KIAA2012: variants seen among roughly 807,000 people sequenced by gnomAD.
KIAA2012 encodes KIAA2012.
KIAA2012 carries 125 observed loss-of-function variants against 150.6 expected under a neutral mutation model. The ratio of observed to expected loss-of-function variants is 0.83; its 90% CI spans 0.72 to 0.96. The LOEUF is 0.96. KIAA2012 is among the 40% of genes least tolerant of loss of function. KIAA2012 has a pLI of 0.00. For synonymous variants in KIAA2012, 462 were observed against 504.7 expected (o/e 0.92, Z 1.13); for missense variants, 1,219 against 1,354.9 (o/e 0.90, Z 1.57).
intron 2 of KIAA2012, among the ~76,000 whole-genome samples, chr2:202,076,690 A>G (rs993519465): frequency 6.6e-6 from 1 of 152,184 alleles, no homozygotes; most frequent in African/African-American, 2.4e-5. Context: ...GAGAGCTACT[A>G]AATGACAAGG....
intron 6 of KIAA2012, 53 bp downstream of exon 6, chr2:202,099,849 G>A: frequency 6.9e-7 from 1 of 1,439,222 alleles, no homozygotes; most frequent in Non-Finnish European, 9.3e-7. Flanking sequence ...GTCATGCAGA[G>A]TTCATTTAAG....
chr2:202,133,124 A>ATT (rs1469569064), intron 12 of KIAA2012, among the ~76,000 whole-genome samples: 2 of 71,940 alleles, frequency 2.8e-5, no homozygotes, highest in Non-Finnish European at 5.9e-5. Context: ...ATATATATAT[A>ATT]TATATATTTT....
At chr2:202,089,745 G>A (rs1270042951) in intron 2 of KIAA2012, among the ~76,000 whole-genome samples, 1 of 152,208 alleles carries the variant, frequency 6.6e-6, no homozygotes, top group East Asian at 1.9e-4. Flanking sequence ...TTAGAAATCA[G>A]AATAGCAATT....
intron 20 of KIAA2012, 87 bp downstream of exon 20, chr2:202,193,590 G>T (rs1692359063): frequency 7.5e-6 from 10 of 1,340,310 alleles, no homozygotes; most frequent in Admixed American, 2.4e-5. Context: ...GGCAATGTTT[G>T]GTTCTGAGGC....
intron 11 of KIAA2012, 104 bp downstream of exon 11, chr2:202,113,550 C>A: frequency 2.8e-6 from 2 of 723,326 alleles, no homozygotes; most frequent in Non-Finnish European, 4.5e-6. Context: ...TCATTAAAAA[C>A]AGACGCAAGT....
At chr2:202,189,323 G>A (rs984715658) in intron 18 of KIAA2012, among the ~76,000 whole-genome samples, 7 of 148,986 alleles carry the variant, frequency 4.7e-5, no homozygotes, top group Non-Finnish European at 7.4e-5. Context: ...ATGGAGTCTC[G>A]CTCTGTCACC....
In KIAA2012 at chr2:202,093,108, C is replaced by T. The variant is rs762648095; in HGVS notation, c.608C>T (p.Ser203Leu). ...PKKLRPQQDL[S>L]GVPPKYHLLP... ...AAGCTCAGGCCACAACAAGATCTTT[C>T]AGGTGTACCCCCAAAATACCATCTC... Residue 203 changes from serine (S) to leucine (L), a missense_variant, in exon 4 of 24, where the codon TCA (serine) becomes TTA (leucine). Physicochemically the swap from Ser to Leu is moderately radical, Grantham distance 145 (BLOSUM62 -2). Transcript: ENST00000498697. The T allele has an allele frequency of 5.2e-6, 8 of 1,550,870 alleles. 1 individual carries two copies. The Middle Eastern group carries it at 8.3e-4, about 161-fold the overall frequency.
chr2:202,147,997 T>C (rs1376789300), intron 13 of KIAA2012, among the ~76,000 whole-genome samples: 3 of 152,228 alleles, frequency 2.0e-5, no homozygotes, highest in Non-Finnish European at 4.4e-5. Context: ...CTGTTTTGGC[T>C]TGAAATTTTT....
chr2:202,129,134 A>T lies in KIAA2012; in HGVS notation c.1831+3852A>T, dbSNP rs190706781. ...CATCTCAAAAAAATAAATAAATAAA[A>T]AAATAAAATACCTGATACCCCCTGG... On this transcript the variant is annotated intron_variant, in intron 12 of 23. Transcript: ENST00000498697. Among the ~76,000 whole-genome samples the T allele has an allele frequency of 4.1e-3, 626 of 152,258 alleles. 4 individuals carry two copies. The highest frequency in any genetic ancestry group is 6.5e-3 in the Admixed American group (100 of 15,286).
At chr2:202,184,615 A>G (rs1001532049) in intron 15 of KIAA2012, 138 bp from the exon 16 acceptor site, 1 of 487,672 alleles carries the variant, frequency 2.1e-6, no homozygotes, top group Non-Finnish European at 3.6e-6. Flanking sequence ...GTATTTGCTA[A>G]TTTTCTGGGT....
In KIAA2012 at chr2:202,196,718, TCA is replaced by T. The variant is rs1352502866; in HGVS notation, c.3188-79_3188-78del. Reference sequence around the variant, plus strand: ...ATTTCTCACGGGGAGTCCTTCAGAATCACAGATTTGAGAGTTGGATCCGAAAA... The same window carrying T: ...ATTTCTCACGGGGAGTCCTTCAGAATCAGATTTGAGAGTTGGATCCGAAAA... On this transcript the variant is annotated intron_variant, in intron 21 of 23. Coordinates refer to ENST00000498697, the MANE Select transcript of KIAA2012 (RefSeq NM_001277372.4). 1.1e-5 allele frequency: 17 copies of T among 1,487,032 alleles called. No homozygotes were observed. In the East Asian group the frequency reaches 4.0e-4, roughly 35 times the overall value. The allele number at this position is 1,487,032 out of a possible 1,614,324, so 92.1% of individuals were successfully genotyped here. A position where few individuals can be genotyped will look rare whatever the true frequency, so the allele number is the denominator to read the frequency against.
intron 14 of KIAA2012, among the ~76,000 whole-genome samples, chr2:202,158,618 T>TC (rs1341296304): frequency 2.0e-5 from 3 of 152,144 alleles, no homozygotes; most frequent in African/African-American, 7.2e-5. Flanking sequence ...TGCCTCAGTC[T>TC]CCCAAAGTGC....
chr2:202,167,608 A>T (rs953581108), intron 15 of KIAA2012, among the ~76,000 whole-genome samples: 6 of 152,046 alleles, frequency 3.9e-5, no homozygotes, highest in Non-Finnish European at 8.8e-5. Context: ...ATCACTTCAG[A>T]CCAGAAGTTG....
At chr2:202,082,577 C>T (rs1166806767) in intron 2 of KIAA2012, among the ~76,000 whole-genome samples, 2 of 144,510 alleles carry the variant, frequency 1.4e-5, no homozygotes, top group African/African-American at 5.2e-5. Flanking sequence ...GCGTGGGTGA[C>T]AGGGCGAGAG....
intron 7 of KIAA2012, among the ~76,000 whole-genome samples, chr2:202,102,181 C>G (rs988490460): frequency 7.0e-6 from 1 of 142,920 alleles, no homozygotes; most frequent in African/African-American, 3.1e-5. Flanking sequence ...CACACACATA[C>G]ACATACACGC....
Position 202,094,637 on chromosome 2 carries a change from G to A in KIAA2012, c.685+1452G>A, listed in dbSNP as rs1689816817. The stretch of plus-strand genomic sequence containing the variant: ...TGGGCTCAAGCAATCCTCCCACTTA[G>A]CCTCCTAAGTAGCTGGAACTGTAGG... On this transcript the variant is annotated intron_variant, in intron 4 of 23. Coordinates refer to ENST00000498697, the MANE Select transcript of KIAA2012 (RefSeq NM_001277372.4). 2.0e-5 allele frequency among the ~76,000 whole-genome samples: 3 copies of A among 152,010 alleles called. No homozygotes were observed. In the East Asian group the frequency reaches 5.8e-4, roughly 29 times the overall value.
chr2:202,090,968 C>T, intron 3 of KIAA2012, 39 bp downstream of exon 3: 1 of 1,511,530 alleles, frequency 6.6e-7, no homozygotes, highest in Non-Finnish European at 8.9e-7. Flanking sequence ...CCCCAAACTG[C>T]CCCACCTCCC....
rs1262666605 is a variant in KIAA2012, at chr2:202,139,319, G to A, written c.1908+811G>A. ...TTATAAGTTTGTTCCTTCCTTGGAA[G>A]CTTTGAAGCTGGAACTGTCTCCAAA... On this transcript the variant is annotated intron_variant, in intron 13 of 23. Coordinates refer to ENST00000498697, the MANE Select transcript of KIAA2012 (RefSeq NM_001277372.4). Among the ~76,000 whole-genome samples, 3 of 151,964 alleles carry A rather than the reference G, an allele frequency of 2.0e-5. No individual in the cohort carries two copies. In the East Asian group the frequency reaches 5.8e-4, roughly 29 times the overall value.
chr2:202,078,512 C>T (rs1025377603), intron 2 of KIAA2012, among the ~76,000 whole-genome samples: 1 of 152,122 alleles, frequency 6.6e-6, no homozygotes, highest in Non-Finnish European at 1.5e-5. Flanking sequence ...TGGTCTCGAA[C>T]TCCTAGGTTC....
Sources: allele counts gnomAD v4.1 joint callset (sites outside exome capture counted in the v4.1 genomes callset), GRCh38; gene constraint gnomAD v4.1.1; transcripts MANE v1.5; gene names NCBI Gene and HGNC (gene_info 2026-07-23, HGNC 2026-07-21).